Variants in SP110 observed in about 807,000 individuals in gnomAD.
SP110 encodes the protein interferon-induced protein 41, 30kD.
SP110 carries 62 observed loss-of-function variants against 92.7 expected under a neutral mutation model. The observed-to-expected ratio is 0.67, with a 90% CI of 0.55 to 0.83. SP110 has a LOEUF of 0.83. SP110 is among the 40% of genes least tolerant of loss of function. SP110 has a pLI of 0.00. For synonymous variants in SP110, 273 were observed against 305.3 expected (o/e 0.89, Z 1.10); for missense variants, 793 against 863.9 (o/e 0.92, Z 1.03).
At chr2:230,190,110 A>G (rs537803155) in intron 10 of SP110, among the ~76,000 whole-genome samples, 10 of 152,208 alleles carry the variant, frequency 6.6e-5, no homozygotes, top group Non-Finnish European at 1.2e-4. Context: ...CTGGTTCTAC[A>G]TCCTTGAGGA....
intron 10 of SP110, among the ~76,000 whole-genome samples, chr2:230,198,516 A>G (rs2042981200): frequency 6.6e-6 from 1 of 152,138 alleles, no homozygotes; most frequent in Admixed American, 6.5e-5. Context: ...CCTTATTCTT[A>G]TAGATTAAAG....
In SP110 at chr2:230,213,046, C is replaced by T. The variant is rs373508784; in HGVS notation, c.317-19G>A. On this transcript the variant is annotated intron_variant, in intron 3 of 18. Coordinates refer to ENST00000258381, the MANE Select transcript of SP110 (RefSeq NM_080424.4). ...GCACCAACTGGGATTGGTGAAGGGA[C>T]ACACATCAGTACCCTGGAGACTCAG... 1.5e-5 allele frequency: 24 copies of T among 1,612,984 alleles called. No individual in the cohort carries two copies. The highest frequency in any genetic ancestry group is 1.9e-5 in the Non-Finnish European group (22 of 1,179,308).
chr2:230,177,182 G>A (rs1407107396), intron 14 of SP110, among the ~76,000 whole-genome samples: 2 of 152,198 alleles, frequency 1.3e-5, no homozygotes, highest in Non-Finnish European at 2.9e-5. Flanking sequence ...AATGCTGCAG[G>A]GGGGCCAGAT....
At chr2:230,212,601 G>C (rs956362090) in intron 4 of SP110, among the ~76,000 whole-genome samples, 160 bp downstream of exon 4, 2 of 152,136 alleles carry the variant, frequency 1.3e-5, no homozygotes, top group African/African-American at 4.8e-5. Context: ...CCCACCCCCC[G>C]GCAGTGCTCA....
chr2:230,207,935 C>A, intron 8 of SP110, 56 bp downstream of exon 8: 1 of 847,144 alleles, frequency 1.2e-6, no homozygotes, highest in South Asian at 1.4e-5. Flanking sequence ...GCTTGACCTA[C>A]AAGCCCTGCA....
intron 14 of SP110, 141 bp from the exon 15 acceptor site, chr2:230,173,100 A>C: frequency 1.5e-6 from 1 of 671,628 alleles, no homozygotes. Context: ...AGCTGATGCC[A>C]CCTCCCTGGG....
intron 7 of SP110, among the ~76,000 whole-genome samples, chr2:230,209,729 C>T (rs774649247): frequency 1.3e-5 from 2 of 152,144 alleles, no homozygotes; most frequent in Admixed American, 6.5e-5. Flanking sequence ...TATTTCAATA[C>T]CCCCAAATGC....
At chr2:230,181,855 G>A (rs1317136670) in intron 12 of SP110, among the ~76,000 whole-genome samples, 3 of 152,208 alleles carry the variant, frequency 2.0e-5, no homozygotes, top group Admixed American at 2.0e-4. Context: ...CTATTGGTGG[G>A]AATGTAAATT....
At chr2:230,186,235 T>C in intron 10 of SP110, 92 bp from the exon 11 acceptor site, 4 of 1,217,150 alleles carry the variant, frequency 3.3e-6, no homozygotes, top group Non-Finnish European at 4.8e-6. Flanking sequence ...CATTTCTCTA[T>C]AATTCTCTCT....
chr2:230,186,169 T>G, intron 10 of SP110, 26 bp from the exon 11 acceptor site: 2 of 1,612,910 alleles, frequency 1.2e-6, no homozygotes, highest in Non-Finnish European at 1.7e-6. Context: ...TTGTGAATAG[T>G]TTAGTGAGCT....
Position 230,177,615 on chromosome 2 carries a change from C to T in SP110, c.1513G>A (p.Glu505Lys), listed in dbSNP as rs201242603. ...TWLTPNEFEVEGKGRNAKNWK... is the reference protein window; with the variant it reads ...TWLTPNEFEVKGKGRNAKNWK... ...TTCTTTGCGTTCCTTCCTTTTCCTT[C>T]GACTTCAAATTCATTTGGTGTTAAC... is the stretch of plus-strand genomic sequence containing the variant. Residue 505 changes from glutamate to lysine, a missense_variant, in exon 14 of 19, where the codon GAA becomes AAA. Transcript: ENST00000258381. The T allele has an allele frequency of 5.0e-6, 8 of 1,614,066 alleles. No homozygotes were observed. Among genetic ancestry groups the T allele is most frequent in the Non-Finnish European group, 6.8e-6 (8 of 1,179,904 alleles).
chr2:230,192,616 T>C (rs984845301), intron 10 of SP110, among the ~76,000 whole-genome samples: 2 of 152,006 alleles, frequency 1.3e-5, no homozygotes, highest in Non-Finnish European at 2.9e-5. Flanking sequence ...TACAAACCAC[T>C]CCTCAAGGAA....
In SP110 at chr2:230,172,939, G is replaced by T. The variant is rs757775938; in HGVS notation, c.1611C>A (p.Cys537Ter). ...GTTGTCCCCCTTGACAGCACACCTC[G>T]CATTCATCCGAGTTTTTCCGCTGCA... is the stretch of plus-strand genomic sequence containing the variant. ...ELLKRKNSDE[C>*]EVCCQGGQLL... The change falls in exon 15 of 19, where the codon TGC becomes TGA. Residue 537 changes from cysteine (C) to a stop codon, truncating the protein, a stop_gained. Coordinates refer to ENST00000258381, the MANE Select transcript of SP110 (RefSeq NM_080424.4). LOFTEE classifies it high-confidence loss of function. 7.4e-6 allele frequency: 12 copies of T among 1,613,786 alleles called. No individual in the cohort carries two copies. Among genetic ancestry groups the T allele is most frequent in the Non-Finnish European group, 1.0e-5 (12 of 1,179,674 alleles).
intron 11 of SP110, 134 bp downstream of exon 11, chr2:230,185,860 G>T (rs978406748): frequency 3.6e-6 from 3 of 841,990 alleles, no homozygotes; most frequent in East Asian, 4.9e-5. Context: ...TCCGTGCTCT[G>T]TCTTCATGTC....
chr2:230,174,664 CTG>C (rs1477716694), intron 14 of SP110, among the ~76,000 whole-genome samples: 1 of 152,290 alleles, frequency 6.6e-6, no homozygotes, highest in Non-Finnish European at 1.5e-5. Flanking sequence ...CAGGCCAAGT[CTG>C]TGGCTCTTTA....
intron 1 of SP110, chr2:230,225,530 C>T: frequency 2.3e-6 from 1 of 429,886 alleles, no homozygotes; most frequent in Non-Finnish European, 4.4e-6. Context: ...ATGATGCCAC[C>T]TTACCTCAAA....
upstream of SP110, chr2:230,221,655 G>A (rs747734968): frequency 6.4e-5 from 97 of 1,505,218 alleles, no homozygotes; most frequent in African/African-American, 6.6e-4. Context: ...AGGGGATGGC[G>A]GTGGTAAAGG....
chr2:230,223,390 T>C (rs1286894079), upstream of SP110, among the ~76,000 whole-genome samples: 3 of 152,178 alleles, frequency 2.0e-5, no homozygotes, highest in South Asian at 6.2e-4. Context: ...AACTATATTA[T>C]GACAAAGGGC....
chr2:230,169,055 A>G lies in SP110; in HGVS notation c.*69T>C. 9.5e-7 allele frequency: 1 copy of G among 1,052,966 alleles called. No homozygotes were observed. Among genetic ancestry groups the G allele is most frequent in the Non-Finnish European group, 1.5e-6 (1 of 670,054 alleles). 65.2% of individuals were successfully genotyped at this position (1,052,966 alleles called of 1,614,324 possible). A position where few individuals can be genotyped will look rare whatever the true frequency, so the allele number is the denominator to read the frequency against. ...TTACATCCCAGACTCACTGGCAATC[A>G]ACAGTCCAAGCCAGGGTCCCATCAG... On this transcript the variant is annotated 3_prime_UTR_variant, in exon 19 of 19. Transcript: ENST00000258381.
Sources: gnomAD v4.1 joint callset for allele counts (sites outside exome capture counted in the v4.1 genomes callset) on GRCh38, gnomAD v4.1.1 for gene constraint, MANE v1.5 for transcripts, NCBI Gene and HGNC (gene_info 2026-07-23, HGNC 2026-07-21) for gene names.